The following IGF1R variants were observed in gnomAD, a reference collection of about 807,000 sequenced individuals.
IGF1R encodes the protein insulin like growth factor 1 receptor, also known as insulin-like growth factor 1 receptor.
IGF1R carries 44 observed loss-of-function variants against 144.6 expected under a neutral mutation model. That is an observed-to-expected ratio of 0.30 (90% CI 0.24 to 0.39). The LOEUF is 0.39. Ranked by LOEUF, IGF1R falls within the 10% of genes least tolerant of loss-of-function variation. The pLI is 1.00. For missense variants in IGF1R, 1,355 were observed against 1,833.7 expected, an observed-to-expected ratio of 0.74 and a Z score of 4.77; for synonymous variants, 795 against 722.8, an observed-to-expected ratio of 1.10 and a Z score of -1.60.
At chr15:98,808,408 G>C (rs1325940200) in intron 2 of IGF1R, among the ~76,000 whole-genome samples, 1 of 152,192 alleles carries the variant, frequency 6.6e-6, no homozygotes, top group African/African-American at 2.4e-5. Context: ...TATTGGCTAT[G>C]TAGTGATTTT....
At position 98,654,528 on chromosome 15, in the gene IGF1R, A is replaced by G. The variant is rs376446863; in HGVS notation, c.94+4853A>G. ...CTTGGTGTTTTTAAAAGCGTGAGGG[A>G]GTAAGAGTGAGGAGACAAATCCTGA... On this transcript the variant is annotated intron_variant, in intron 1 of 20. Coordinates refer to ENST00000650285, the MANE Select transcript of IGF1R (RefSeq NM_000875.5). Among the ~76,000 whole-genome samples the G allele has an allele frequency of 2.0e-5, 3 of 152,250 alleles. No individual in the cohort carries two copies. The South Asian group carries it at 6.2e-4, about 32-fold the overall frequency.
At chr15:98,851,894 A>G (rs2011543096) in intron 2 of IGF1R, among the ~76,000 whole-genome samples, 1 of 152,232 alleles carries the variant, frequency 6.6e-6, no homozygotes, top group Non-Finnish European at 1.5e-5. Flanking sequence ...TCACAGCTCC[A>G]GGAACTTGCA....
intron 19 of IGF1R, among the ~76,000 whole-genome samples, chr15:98,946,632 C>T (rs1217535292): frequency 6.6e-6 from 1 of 152,090 alleles, no homozygotes; most frequent in Non-Finnish European, 1.5e-5. Context: ...GCAGACTGCT[C>T]GGGTGGAATG....
chr15:98,952,810 G>GT (rs1416591590), intron 20 of IGF1R: 1 of 152,210 alleles, frequency 6.6e-6, no homozygotes, highest in Non-Finnish European at 1.5e-5. Context: ...GACATTCAAT[G>GT]TTTAGTTCAG....
chr15:98,721,006 A>T (rs2054233654), intron 2 of IGF1R, among the ~76,000 whole-genome samples: 1 of 152,024 alleles, frequency 6.6e-6, no homozygotes, highest in South Asian at 2.1e-4. Context: ...AAATTAAAAT[A>T]CTTTCTCAGT....
In IGF1R at chr15:98,964,206, A is replaced by T. The variant is rs2017337090; in HGVS notation, c.*6764A>T. On this transcript the variant is annotated 3_prime_UTR_variant, in exon 21 of 21. Transcript: ENST00000650285. ...TGCATTTTCTGAGTTTTCTTGTTAA[A>T]AAAAAATTTTTTTAAGTAAGAAAAA... is the stretch of plus-strand genomic sequence containing the variant. The T allele has an allele frequency of 4.3e-6, 1 of 232,678 alleles. No homozygotes were observed. The allele number at this position is 232,678 out of a possible 1,614,324, so 14.4% of individuals were successfully genotyped here. A position where few individuals can be genotyped will look rare whatever the true frequency, so the allele number is the denominator to read the frequency against.
intron 2 of IGF1R, among the ~76,000 whole-genome samples, chr15:98,849,103 A>C (rs922911698): frequency 1.3e-5 from 2 of 152,192 alleles, no homozygotes; most frequent in African/African-American, 4.8e-5. Context: ...CAAACAAAAA[A>C]CTGAACAAGA....
intron 1 of IGF1R, among the ~76,000 whole-genome samples, chr15:98,674,457 C>T (rs2052979475): frequency 6.6e-6 from 1 of 152,182 alleles, no homozygotes; most frequent in South Asian, 2.1e-4. Flanking sequence ...AGTCCATTGC[C>T]TCCTTTATAT....
intron 2 of IGF1R, among the ~76,000 whole-genome samples, chr15:98,742,238 G>A (rs1457560933): frequency 6.6e-6 from 1 of 152,170 alleles, no homozygotes; most frequent in Non-Finnish European, 1.5e-5. Flanking sequence ...TCTGTTCAAG[G>A]TTAGCCTAGG....
chr15:98,822,239 C>T (rs371252740), intron 2 of IGF1R, among the ~76,000 whole-genome samples: 4 of 152,224 alleles, frequency 2.6e-5, no homozygotes, highest in African/African-American at 7.2e-5. Flanking sequence ...CAAGTCATCT[C>T]GTGTGGTGCA....
intron 1 of IGF1R, among the ~76,000 whole-genome samples, chr15:98,664,280 T>C (rs1253460013): frequency 6.6e-6 from 1 of 152,010 alleles, no homozygotes; most frequent in African/African-American, 2.4e-5. Context: ...GAGATGAGGG[T>C]TGGAGAATTA....
chr15:98,734,228 T>C (rs1265844450), intron 2 of IGF1R, among the ~76,000 whole-genome samples: 1 of 152,208 alleles, frequency 6.6e-6, no homozygotes, highest in Non-Finnish European at 1.5e-5. Context: ...ATACCAGGTA[T>C]TCTCGTTTAG....
intron 2 of IGF1R, among the ~76,000 whole-genome samples, chr15:98,770,918 A>C (rs2055568519): frequency 6.6e-6 from 1 of 152,100 alleles, no homozygotes; most frequent in African/African-American, 2.4e-5. Context: ...ATTCTCAGAG[A>C]CTTCTGATCC....
chr15:98,817,632 C>A (rs754230467), intron 2 of IGF1R, among the ~76,000 whole-genome samples: 17 of 152,098 alleles, frequency 1.1e-4, no homozygotes, highest in Non-Finnish European at 2.2e-4. Flanking sequence ...ACCAGCAAGG[C>A]TGGAACTTGG....
At chr15:98,909,505 T>G (rs1351794033) in intron 6 of IGF1R, among the ~76,000 whole-genome samples, 1 of 152,130 alleles carries the variant, frequency 6.6e-6, no homozygotes, top group Admixed American at 6.5e-5. Flanking sequence ...ATGATCCACG[T>G]GCCTCAGCCT....
At chr15:98,916,474 C>T in intron 9 of IGF1R, 198 bp from the exon 10 acceptor site, 3 of 630,542 alleles carry the variant, frequency 4.8e-6, no homozygotes, top group South Asian at 1.8e-5. Context: ...GTTGCCCAGG[C>T]TGGTCTGAAA....
chr15:98,920,152 G>A (rs534801713), intron 10 of IGF1R, among the ~76,000 whole-genome samples: 3 of 152,326 alleles, frequency 2.0e-5, no homozygotes, highest in Non-Finnish European at 2.9e-5. Flanking sequence ...GGGCTAGGTT[G>A]TATTATGGGA....
rs1212748366 is a variant in IGF1R, at chr15:98,963,020, A to T, written c.*5578A>T. Reference sequence around the variant, plus strand: ...AACTAGTCACTCATTAGCGTTTTCAATAGGGCTCTTAAGTCCAGTAGATTA... The same window carrying T: ...AACTAGTCACTCATTAGCGTTTTCATTAGGGCTCTTAAGTCCAGTAGATTA... On this transcript the variant is annotated 3_prime_UTR_variant, in exon 21 of 21. Transcript: ENST00000650285. 8.6e-6 allele frequency: 2 copies of T among 233,602 alleles called. No individual in the cohort carries two copies. Among genetic ancestry groups the T allele is most frequent in the Non-Finnish European group, 1.7e-5 (2 of 118,042 alleles). The allele number at this position is 233,602 out of a possible 1,614,324, so 14.5% of individuals were successfully genotyped here.
intron 2 of IGF1R, among the ~76,000 whole-genome samples, chr15:98,804,845 C>T (rs2056438640): frequency 6.6e-6 from 1 of 152,156 alleles, no homozygotes; most frequent in African/African-American, 2.4e-5. Flanking sequence ...CAGGCGTGCA[C>T]CACCACGCCT....
Sources: gnomAD v4.1 joint callset for allele counts (sites outside exome capture counted in the v4.1 genomes callset) on GRCh38, gnomAD v4.1.1 for gene constraint, MANE v1.5 for transcripts, NCBI Gene and HGNC (gene_info 2026-07-23, HGNC 2026-07-21) for gene names.